JAZF1: variants seen among roughly 807,000 people sequenced by gnomAD.
The protein encoded by JAZF1 is JAZF zinc finger 1, also known as juxtaposed with another zinc finger protein 1.
JAZF1 carries 8 observed loss-of-function variants against 26.4 expected under a neutral mutation model. The observed-to-expected ratio is 0.30, with a 90% CI of 0.18 to 0.55. JAZF1 has a LOEUF of 0.55. JAZF1 is among the 20% of genes least tolerant of loss of function. The pLI is 0.94. For missense variants in JAZF1, 199 were observed against 322.0 expected, an observed-to-expected ratio of 0.62 and a Z score of 2.92; for synonymous variants, 126 against 122.3, an observed-to-expected ratio of 1.03 and a Z score of -0.20.
At chr7:28,170,335 ATATGTG>A (rs1484334860) in intron 1 of JAZF1, among the ~76,000 whole-genome samples, 217 of 140,132 alleles carry the variant, frequency 1.5e-3, no homozygotes, top group East Asian at 7.0e-3. Flanking sequence ...AGAGAAGTTG[ATATGTG>A]TGTGTGTGTG....
intron 3 of JAZF1, among the ~76,000 whole-genome samples, chr7:27,888,700 T>C (rs1724036060): frequency 6.6e-6 from 1 of 152,204 alleles, no homozygotes; most frequent in African/African-American, 2.4e-5. Context: ...TAAAAGGCCA[T>C]ACCAAGATAC....
At chr7:27,886,535 A>G (rs1000730161) in intron 3 of JAZF1, among the ~76,000 whole-genome samples, 1 of 152,202 alleles carries the variant, frequency 6.6e-6, no homozygotes, top group Non-Finnish European at 1.5e-5. Context: ...TATCTATGAC[A>G]TTTTATGGGT....
intron 1 of JAZF1, among the ~76,000 whole-genome samples, chr7:28,178,064 G>C (rs936287228): frequency 9.2e-5 from 14 of 152,100 alleles, no homozygotes; most frequent in Non-Finnish European, 1.6e-4. Context: ...AACTGTGTTA[G>C]CCCTGCAACA....
intron 2 of JAZF1, among the ~76,000 whole-genome samples, chr7:27,991,060 C>A (rs1315978177): frequency 2.6e-5 from 4 of 152,192 alleles, no homozygotes; most frequent in Non-Finnish European, 5.9e-5. Context: ...AAAAGGCACT[C>A]AAATGAAACA....
intron 4 of JAZF1, among the ~76,000 whole-genome samples, chr7:27,836,963 A>ACT (rs142091602): frequency 1.3e-4 from 20 of 151,834 alleles, no homozygotes; most frequent in Non-Finnish European, 2.2e-4. Context: ...ACACACACAC[A>ACT]CTCTCTCTCT....
chr7:28,075,548 C>T (rs1784037619), intron 1 of JAZF1, among the ~76,000 whole-genome samples: 1 of 152,160 alleles, frequency 6.6e-6, no homozygotes, highest in South Asian at 2.1e-4. Flanking sequence ...TCTCTGTCTA[C>T]CTATAAATGT....
intron 1 of JAZF1, among the ~76,000 whole-genome samples, chr7:28,113,509 A>C (rs1421390045): frequency 6.6e-6 from 1 of 152,188 alleles, no homozygotes; most frequent in Non-Finnish European, 1.5e-5. Flanking sequence ...GTTATTCAAC[A>C]CCAGATACCT....
At chr7:28,074,584 G>T (rs1323753868) in intron 1 of JAZF1, among the ~76,000 whole-genome samples, 1 of 152,130 alleles carries the variant, frequency 6.6e-6, no homozygotes, top group Non-Finnish European at 1.5e-5. Context: ...AAAAAGATTT[G>T]TGGCTTAATA....
At chr7:28,173,656 T>C (rs1258578567) in intron 1 of JAZF1, among the ~76,000 whole-genome samples, 1 of 151,972 alleles carries the variant, frequency 6.6e-6, no homozygotes, top group Non-Finnish European at 1.5e-5. Flanking sequence ...ACCATTGTAG[T>C]CTGGCAGACA....
At chr7:27,860,727 A>C (rs573576445) in intron 3 of JAZF1, among the ~76,000 whole-genome samples, 21 of 152,296 alleles carry the variant, frequency 1.4e-4, no homozygotes, top group Non-Finnish European at 1.6e-4. Context: ...CCAGCTGGCC[A>C]GGGTCTGTGT....
At chr7:27,992,056 CAG>C (rs1785916666) in intron 1 of JAZF1, 75 bp from the exon 2 acceptor site, 2 of 870,192 alleles carry the variant, frequency 2.3e-6, no homozygotes, top group Middle Eastern at 2.2e-4. Flanking sequence ...CACAAAGTAA[CAG>C]AGGCTAAGCA....
In JAZF1 at chr7:27,970,305, C is replaced by T. The variant is rs117692526; in HGVS notation, c.188+21604G>A. Among the ~76,000 whole-genome samples the T allele has an allele frequency of 3.7e-4, 56 of 152,250 alleles. No homozygotes were observed. The East Asian group carries it at 7.1e-3, about 19-fold the overall frequency. On this transcript the variant is annotated intron_variant, in intron 2 of 4. Coordinates refer to ENST00000283928, the MANE Select transcript of JAZF1 (RefSeq NM_175061.4). ...CAAAACTTTGGAATCACATAAATTT[C>T]GGTAAGAACCCACTTCTAAAAGCTT...
At chr7:27,867,297 T>C (rs954937100) in intron 3 of JAZF1, among the ~76,000 whole-genome samples, 2 of 152,154 alleles carry the variant, frequency 1.3e-5, no homozygotes, top group South Asian at 2.1e-4. Flanking sequence ...ATCAGAGTAA[T>C]TGTCTCTTCC....
At chr7:28,127,024 C>T (rs1241839208) in intron 1 of JAZF1, among the ~76,000 whole-genome samples, 1 of 152,190 alleles carries the variant, frequency 6.6e-6, no homozygotes. Flanking sequence ...CAGTTTGTTC[C>T]AGACACTCAA....
At chr7:28,170,435 T>A (rs1783444528) in intron 1 of JAZF1, among the ~76,000 whole-genome samples, 1 of 151,288 alleles carries the variant, frequency 6.6e-6, no homozygotes, top group African/African-American at 2.4e-5. Flanking sequence ...TTAGGTATTG[T>A]GTTTGTCAGG....
intron 3 of JAZF1, among the ~76,000 whole-genome samples, chr7:27,869,368 C>T (rs1224628367): frequency 1.3e-5 from 2 of 152,168 alleles, no homozygotes; most frequent in African/African-American, 4.8e-5. Flanking sequence ...TTAGGTTCTG[C>T]CTGAACTACG....
At chr7:28,169,287 T>C (rs1305795646) in intron 1 of JAZF1, among the ~76,000 whole-genome samples, 1 of 152,214 alleles carries the variant, frequency 6.6e-6, no homozygotes, top group East Asian at 1.9e-4. Context: ...AGTGCTGAAG[T>C]GGAGCCAATA....
At chr7:27,987,254 C>T (rs1222234753) in intron 2 of JAZF1, among the ~76,000 whole-genome samples, 1 of 151,396 alleles carries the variant, frequency 6.6e-6, no homozygotes. Context: ...GTGGGGAGCG[C>T]CTCTGCCCCG....
intron 3 of JAZF1, among the ~76,000 whole-genome samples, chr7:27,853,840 T>C (rs944804392): frequency 1.3e-5 from 2 of 152,226 alleles, no homozygotes; most frequent in East Asian, 1.9e-4. Flanking sequence ...CTGAGAAGAA[T>C]GTATATTCTG....
Sources: allele counts gnomAD v4.1 joint callset (sites outside exome capture counted in the v4.1 genomes callset), GRCh38; gene constraint gnomAD v4.1.1; transcripts MANE v1.5; gene names NCBI Gene and HGNC (gene_info 2026-07-23, HGNC 2026-07-21).